Variants in PHYHIPL observed in about 807,000 individuals in gnomAD.
PHYHIPL encodes the protein phytanoyl-CoA hydroxylase-interacting protein-like.
In PHYHIPL, 9 loss-of-function variants were observed where a neutral mutation model predicts 33.4. The ratio of observed to expected loss-of-function variants is 0.27; its 90% CI spans 0.16 to 0.47. The LOEUF is 0.47. Among genes scored for constraint, PHYHIPL ranks in the 20% least tolerant of loss-of-function variants. The probability of loss-of-function intolerance (pLI) is 0.99; values close to 1 mark genes in which losing one functional copy is unlikely to be tolerated. For missense variants in PHYHIPL, 365 were observed against 460.7 expected, an observed-to-expected ratio of 0.79 and a Z score of 1.90; for synonymous variants, 153 against 154.1, an observed-to-expected ratio of 0.99 and a Z score of 0.05.
chr10:59,244,022 C>A (rs942849729), intron 4 of PHYHIPL, among the ~76,000 whole-genome samples: 1 of 152,076 alleles, frequency 6.6e-6, no homozygotes, highest in Non-Finnish European at 1.5e-5. Context: ...TGCCCTAAAG[C>A]GTGGAGGAAA....
chr10:59,230,773 A>G (rs1466053108), intron 1 of PHYHIPL, among the ~76,000 whole-genome samples: 3 of 152,212 alleles, frequency 2.0e-5, no homozygotes, highest in Non-Finnish European at 4.4e-5. Flanking sequence ...TTCAAGCAAT[A>G]CATGTAATAT....
At chr10:59,214,837 T>C (rs1839567338) in intron 1 of PHYHIPL, among the ~76,000 whole-genome samples, 2 of 152,050 alleles carry the variant, frequency 1.3e-5, no homozygotes, top group African/African-American at 4.8e-5. Context: ...ATTGAAATGC[T>C]ATTTTCTGCC....
In PHYHIPL at chr10:59,188,659, G is replaced by T. The variant is rs189265974; in HGVS notation, c.106+11700G>T. On this transcript the variant is annotated intron_variant, in intron 1 of 4. Transcript: ENST00000373880. The stretch of plus-strand genomic sequence containing the variant: ...ATGAATCTGGATGCTCCTGTATTGG[G>T]TGCATATAAATTTAGGATAGTTAGT... 8.6e-4 allele frequency among the ~76,000 whole-genome samples: 131 copies of T among 152,280 alleles called. 3 individuals are homozygous for T. Among genetic ancestry groups the T allele is most frequent in the Non-Finnish European group, 1.3e-3 (91 of 68,026 alleles).
At position 59,191,667 on chromosome 10, in the gene PHYHIPL, T is replaced by C. The variant is rs1224807978; in HGVS notation, c.106+14708T>C. ...TATTCCTGAGAGCTTCCAGCATATT[T>C]ATTTCATTTTGAACATAGTTGCCAC... On this transcript the variant is annotated intron_variant, in intron 1 of 4. Coordinates refer to ENST00000373880, the MANE Select transcript of PHYHIPL (RefSeq NM_032439.4). 8.6e-5 allele frequency among the ~76,000 whole-genome samples: 13 copies of C among 152,018 alleles called. No individual in the cohort carries two copies. The South Asian group carries it at 2.7e-3, about 31-fold the overall frequency.
intron 1 of PHYHIPL, chr10:59,206,813 A>G (rs760025635): frequency 1.6e-6 from 2 of 1,220,172 alleles, no homozygotes; most frequent in South Asian, 2.9e-5. Flanking sequence ...CCATTGGTTC[A>G]TGGCAAGTTA....
chr10:59,207,072 G>C (rs1334835379), intron 1 of PHYHIPL, among the ~76,000 whole-genome samples: 9 of 152,080 alleles, frequency 5.9e-5, no homozygotes, highest in Non-Finnish European at 1.3e-4. Context: ...GCTAATGTAA[G>C]GTACATTTTA....
chr10:59,218,518 T>C (rs1165424829), intron 1 of PHYHIPL, among the ~76,000 whole-genome samples: 2 of 152,158 alleles, frequency 1.3e-5, no homozygotes, highest in Non-Finnish European at 2.9e-5. Context: ...CTGTGGCCTT[T>C]ACATGTACTG....
At chr10:59,189,168 T>C (rs1838709054) in intron 1 of PHYHIPL, among the ~76,000 whole-genome samples, 2 of 152,046 alleles carry the variant, frequency 1.3e-5, no homozygotes, top group Admixed American at 1.3e-4. Context: ...TCTTCCATAG[T>C]CTATCTCAAG....
intron 3 of PHYHIPL, among the ~76,000 whole-genome samples, chr10:59,237,694 A>C (rs2133292156): frequency 6.6e-6 from 1 of 151,988 alleles, no homozygotes. Context: ...AAATAAAATA[A>C]AATAGAATGC....
intron 1 of PHYHIPL, among the ~76,000 whole-genome samples, chr10:59,204,708 G>A (rs891996842): frequency 8.6e-5 from 13 of 151,900 alleles, no homozygotes; most frequent in African/African-American, 2.2e-4. Flanking sequence ...GCCAACATTG[G>A]TAGGGAGTGC....
intron 1 of PHYHIPL, among the ~76,000 whole-genome samples, chr10:59,182,769 G>A (rs924545704): frequency 6.6e-6 from 1 of 152,016 alleles, no homozygotes; most frequent in Non-Finnish European, 1.5e-5. Flanking sequence ...ATATGTTAAG[G>A]GTAGGGACTG....
chr10:59,184,755 G>A lies in PHYHIPL; in HGVS notation c.106+7796G>A, dbSNP rs1396687458. Among the ~76,000 whole-genome samples the A allele has an allele frequency of 3.3e-5, 5 of 151,662 alleles. No individual in the cohort carries two copies. The East Asian group carries it at 7.8e-4, about 24-fold the overall frequency. On this transcript the variant is annotated intron_variant, in intron 1 of 4. Transcript: ENST00000373880. ...GTTGGTGTGCTGCACCCATTAACTC[G>A]TCATTTAGCATTAGGTATATTTCTT...
chr10:59,217,469 AT>A, intron 1 of PHYHIPL, among the ~76,000 whole-genome samples: 1 of 151,976 alleles, frequency 6.6e-6, no homozygotes, highest in Middle Eastern at 3.6e-3. Flanking sequence ...CCTCTTGCTC[AT>A]TTTTCTCTAT....
At chr10:59,208,338 C>A (rs1176457758) in intron 1 of PHYHIPL, among the ~76,000 whole-genome samples, 1 of 152,106 alleles carries the variant, frequency 6.6e-6, no homozygotes, top group Non-Finnish European at 1.5e-5. Flanking sequence ...GGAGACTGAA[C>A]GTTAGAAGGA....
At chr10:59,187,057 T>C (rs1838628281) in intron 1 of PHYHIPL, among the ~76,000 whole-genome samples, 1 of 152,218 alleles carries the variant, frequency 6.6e-6, no homozygotes, top group African/African-American at 2.4e-5. Flanking sequence ...TCAAAGGGAA[T>C]GCTTCCAGTT....
At chr10:59,188,899 A>T (rs1203542994) in intron 1 of PHYHIPL, among the ~76,000 whole-genome samples, 4 of 152,244 alleles carry the variant, frequency 2.6e-5, no homozygotes, top group African/African-American at 7.2e-5. Context: ...CAGCACACTG[A>T]CAGGCCCTAG....
At chr10:59,235,067 C>CT (rs917603980) in intron 2 of PHYHIPL, among the ~76,000 whole-genome samples, 2 of 151,672 alleles carry the variant, frequency 1.3e-5, no homozygotes, top group African/African-American at 4.8e-5. Context: ...CTGAAGCACA[C>CT]TTTTTTTTCT....
Position 59,247,549 on chromosome 10 carries a change from A to G in PHYHIPL, c.*1958A>G. On this transcript the variant is annotated 3_prime_UTR_variant, in exon 5 of 5. Transcript: ENST00000373880. ...ATTGTGTCAAAACTACTTAGCAAGG[A>G]TGGCAGAGGAAAATAAACTTTACTT... The G allele has an allele frequency of 1.3e-6, 2 of 1,599,466 alleles. No individual in the cohort carries two copies. The highest frequency in any genetic ancestry group is 1.7e-6 in the Non-Finnish European group (2 of 1,170,562).
chr10:59,203,650 A>G, intron 1 of PHYHIPL, among the ~76,000 whole-genome samples: 1 of 152,020 alleles, frequency 6.6e-6, no homozygotes, highest in Non-Finnish European at 1.5e-5. Context: ...CATCATTCTG[A>G]GCAAACTATC....
Sources: allele counts gnomAD v4.1 joint callset (sites outside exome capture counted in the v4.1 genomes callset), GRCh38; gene constraint gnomAD v4.1.1; transcripts MANE v1.5; gene names NCBI Gene and HGNC (gene_info 2026-07-23, HGNC 2026-07-21).